Variants in ITFG1 observed in about 807,000 individuals in gnomAD.
ITFG1 encodes integrin alpha FG-GAP repeat containing 1.
A neutral mutation model predicts 81.8 loss-of-function variants in ITFG1; 34 were observed. That is an observed-to-expected ratio of 0.42 (90% CI 0.32 to 0.55). ITFG1 has a LOEUF of 0.55. ITFG1 is among the 20% of genes least tolerant of loss of function. The pLI is 0.17. For missense variants in ITFG1, 672 were observed against 755.4 expected, an observed-to-expected ratio of 0.89 and a Z score of 1.29; for synonymous variants, 285 against 270.6, an observed-to-expected ratio of 1.05 and a Z score of -0.52.
At chr16:47,414,426 T>C (rs1441079223) in intron 6 of ITFG1, among the ~76,000 whole-genome samples, 1 of 151,898 alleles carries the variant, frequency 6.6e-6, no homozygotes, top group Admixed American at 6.6e-5. Flanking sequence ...CTAGGGAGGC[T>C]GAGGCAAGAG....
intron 5 of ITFG1, among the ~76,000 whole-genome samples, chr16:47,441,565 C>A (rs1969250935): frequency 6.6e-6 from 1 of 152,088 alleles, no homozygotes; most frequent in African/African-American, 2.4e-5. Flanking sequence ...ATAAACAGAA[C>A]CAAAGACAAA....
chr16:47,343,837 C>T lies in ITFG1; in HGVS notation c.802+21951G>A, dbSNP rs572227679. Among the ~76,000 whole-genome samples, 136 of 152,242 alleles carry T rather than the reference C, an allele frequency of 8.9e-4. 1 individual carries two copies. In the South Asian group the frequency reaches 0.026, roughly 29 times the overall value. On this transcript the variant is annotated intron_variant, in intron 8 of 17. Transcript: ENST00000320640. ...TAATGACCTTATATCCCAGCAATTT[C>T]CCTCCTACTAAAAATAAGTGAAAGC... is the stretch of plus-strand genomic sequence containing the variant.
At chr16:47,325,853 G>A (rs1967530771) in intron 8 of ITFG1, among the ~76,000 whole-genome samples, 1 of 152,162 alleles carries the variant, frequency 6.6e-6, no homozygotes, top group Admixed American at 6.6e-5. Context: ...ACCAAAAAAG[G>A]TCCAGGACCA....
chr16:47,175,979 T>G (rs534534942), intron 14 of ITFG1, among the ~76,000 whole-genome samples: 2 of 152,286 alleles, frequency 1.3e-5, no homozygotes, highest in East Asian at 3.9e-4. Flanking sequence ...CACCTTGAGC[T>G]TTGGGAGGTT....
intron 10 of ITFG1, among the ~76,000 whole-genome samples, chr16:47,298,078 C>T (rs1001279325): frequency 6.6e-6 from 1 of 152,078 alleles, no homozygotes; most frequent in East Asian, 1.9e-4. Flanking sequence ...GTGAGATTCT[C>T]TGCTTTGCTT....
chr16:47,262,666 G>T (rs190113517), intron 10 of ITFG1: 6 of 152,362 alleles, frequency 3.9e-5, no homozygotes, highest in Non-Finnish European at 8.8e-5. Flanking sequence ...TTGCAGTCAT[G>T]CAATTTAAAA....
intron 8 of ITFG1, among the ~76,000 whole-genome samples, chr16:47,327,817 A>G (rs1016925206): frequency 1.6e-4 from 24 of 152,230 alleles, no homozygotes; most frequent in African/African-American, 5.8e-4. Flanking sequence ...TTAAAAAGTC[A>G]GGAAACAACA....
At chr16:47,417,594 T>C (rs1968890526) in intron 6 of ITFG1, among the ~76,000 whole-genome samples, 1 of 152,234 alleles carries the variant, frequency 6.6e-6, no homozygotes, top group Non-Finnish European at 1.5e-5. Flanking sequence ...CTCTATGAGA[T>C]AAACTCTTTT....
intron 10 of ITFG1, among the ~76,000 whole-genome samples, chr16:47,305,149 A>G (rs1967137723): frequency 6.6e-6 from 1 of 152,206 alleles, no homozygotes; most frequent in Admixed American, 6.5e-5. Flanking sequence ...ATTTGTCTGG[A>G]AAGACAAGTA....
chr16:47,277,086 A>T (rs1966405380), intron 10 of ITFG1, among the ~76,000 whole-genome samples: 1 of 152,200 alleles, frequency 6.6e-6, no homozygotes, highest in Admixed American at 6.5e-5. Context: ...GTTTTGTCAC[A>T]TGAGAAGAGC....
At chr16:47,455,177 C>T (rs747591734) in intron 2 of ITFG1, among the ~76,000 whole-genome samples, 3 of 152,230 alleles carry the variant, frequency 2.0e-5, no homozygotes, top group East Asian at 3.9e-4. Flanking sequence ...ACATGCAGGG[C>T]AAAAGATAGT....
chr16:47,304,720 G>T (rs993099780), intron 10 of ITFG1, among the ~76,000 whole-genome samples: 1 of 152,020 alleles, frequency 6.6e-6, no homozygotes, highest in African/African-American at 2.4e-5. Flanking sequence ...TTGTCATCTG[G>T]TGATTCCACA....
At chr16:47,223,748 A>C (rs924967175) in intron 13 of ITFG1, among the ~76,000 whole-genome samples, 3 of 152,200 alleles carry the variant, frequency 2.0e-5, no homozygotes, top group Admixed American at 2.0e-4. Flanking sequence ...TCATGCTGCT[A>C]TAAAGACACG....
intron 3 of ITFG1, among the ~76,000 whole-genome samples, chr16:47,453,445 T>C (rs1301229288): frequency 6.6e-6 from 1 of 152,202 alleles, no homozygotes; most frequent in Non-Finnish European, 1.5e-5. Flanking sequence ...ATTTTCCAGA[T>C]ATTGTGGCAT....
chr16:47,201,993 G>A (rs1222339100), intron 14 of ITFG1: 1 of 152,154 alleles, frequency 6.6e-6, no homozygotes, highest in Non-Finnish European at 1.5e-5. Flanking sequence ...GTAATACACA[G>A]TACTAACAGT....
intron 10 of ITFG1, among the ~76,000 whole-genome samples, chr16:47,307,712 T>C (rs1301409781): frequency 6.6e-6 from 1 of 152,216 alleles, no homozygotes; most frequent in Non-Finnish European, 1.5e-5. Flanking sequence ...TGCATGGTAC[T>C]GAGTTTTGGG....
intron 16 of ITFG1, among the ~76,000 whole-genome samples, chr16:47,160,436 CTA>C (rs539607216): frequency 1.5e-3 from 232 of 151,954 alleles, no homozygotes; most frequent in African/African-American, 5.3e-3. Flanking sequence ...AGAGACTGTT[CTA>C]TGTCCGTGGC....
intron 6 of ITFG1, among the ~76,000 whole-genome samples, chr16:47,389,201 G>T (rs1276073530): frequency 6.6e-6 from 1 of 152,162 alleles, no homozygotes; most frequent in Non-Finnish European, 1.5e-5. Flanking sequence ...TGCTCAGGAT[G>T]AAAGCAAATG....
chr16:47,430,160 C>T (rs542449319), intron 5 of ITFG1, among the ~76,000 whole-genome samples: 18 of 150,160 alleles, frequency 1.2e-4, no homozygotes, highest in African/African-American at 3.7e-4. Flanking sequence ...AGGGTTCAAG[C>T]GATTCTCCTG....
Sources: gnomAD v4.1 joint callset for allele counts (sites outside exome capture counted in the v4.1 genomes callset) on GRCh38, gnomAD v4.1.1 for gene constraint, MANE v1.5 for transcripts, NCBI Gene and HGNC (gene_info 2026-07-23, HGNC 2026-07-21) for gene names.